TMTC1: variants seen among roughly 807,000 people sequenced by gnomAD.
TMTC1 encodes the protein protein O-mannosyl-transferase TMTC1.
Under a neutral mutation model 104.8 loss-of-function variants are expected in TMTC1, and 73 were observed. That is an observed-to-expected ratio of 0.70 (90% CI 0.58 to 0.85). TMTC1 has a LOEUF of 0.85. TMTC1 is among the 40% of genes least tolerant of loss of function. The pLI is 0.00. For missense variants in TMTC1, 1,035 were observed against 1,096.1 expected (o/e 0.94, Z 0.79); for synonymous variants, 434 against 428.7 (o/e 1.01, Z -0.15).
At position 29,715,201 on chromosome 12, in the gene TMTC1, T is replaced by C. The variant is rs1399588163; in HGVS notation, c.938+36465A>G. On this transcript the variant is annotated intron_variant, in intron 5 of 17. Transcript: ENST00000539277. Reference sequence around the variant, plus strand: ...ATTGAAGCAGAATTTAATGGAGCCATTCACTGAAAGATCATTAAAAATGAT... The same window carrying C: ...ATTGAAGCAGAATTTAATGGAGCCACTCACTGAAAGATCATTAAAAATGAT... Among the ~76,000 whole-genome samples, 12 of 152,202 alleles carry C rather than the reference T, an allele frequency of 7.9e-5. 1 individual carries two copies. Among genetic ancestry groups the C allele is most frequent in the Admixed American group, 6.5e-4 (10 of 15,274 alleles).
intron 5 of TMTC1, among the ~76,000 whole-genome samples, chr12:29,719,352 A>G (rs1328711050): frequency 6.6e-6 from 1 of 152,190 alleles, no homozygotes; most frequent in African/African-American, 2.4e-5. Flanking sequence ...CCTGGGTTGC[A>G]TTATATGATT....
intron 6 of TMTC1, among the ~76,000 whole-genome samples, chr12:29,630,798 C>T (rs192436388): frequency 1.7e-3 from 260 of 152,256 alleles, no homozygotes; most frequent in Non-Finnish European, 3.4e-3. Context: ...ATAGGTAGAG[C>T]TGTTTAATTT....
intron 5 of TMTC1, among the ~76,000 whole-genome samples, chr12:29,638,993 C>T (rs1258417080): frequency 6.6e-6 from 1 of 152,174 alleles, no homozygotes; most frequent in Non-Finnish European, 1.5e-5. Context: ...GCATCTTCTT[C>T]CCCTGCCCAT....
At chr12:29,650,562 C>A (rs934767787) in intron 5 of TMTC1, among the ~76,000 whole-genome samples, 5 of 152,194 alleles carry the variant, frequency 3.3e-5, no homozygotes, top group Non-Finnish European at 7.3e-5. Context: ...TTCATCCTTT[C>A]AGTGACCAGA....
At chr12:29,643,834 T>TATTTATAC (rs1565734232) in intron 5 of TMTC1, among the ~76,000 whole-genome samples, 13 of 73,656 alleles carry the variant, frequency 1.8e-4, no homozygotes, top group South Asian at 3.9e-4. Flanking sequence ...TATATTTATA[T>TATTTATAC]ATATTTATAT....
At chr12:29,760,196 T>C (rs891757137) in intron 2 of TMTC1, among the ~76,000 whole-genome samples, 1 of 152,146 alleles carries the variant, frequency 6.6e-6, no homozygotes, top group Non-Finnish European at 1.5e-5. Context: ...TCTCAGAACA[T>C]GTCCCCATTG....
chr12:29,641,798 G>A (rs1336150209), intron 5 of TMTC1, among the ~76,000 whole-genome samples: 1 of 152,092 alleles, frequency 6.6e-6, no homozygotes, highest in Non-Finnish European at 1.5e-5. Flanking sequence ...AACTAATCAG[G>A]GAGGGACCAG....
At chr12:29,653,607 C>T (rs1388639139) in intron 5 of TMTC1, among the ~76,000 whole-genome samples, 2 of 151,242 alleles carry the variant, frequency 1.3e-5, no homozygotes, top group African/African-American at 4.9e-5. Flanking sequence ...CAACTTCATG[C>T]CACTAAATGG....
intron 5 of TMTC1, among the ~76,000 whole-genome samples, chr12:29,636,587 AG>A (rs1413286864): frequency 3.3e-5 from 5 of 152,184 alleles, no homozygotes; most frequent in Non-Finnish European, 7.3e-5. Context: ...TGGGAGGCCG[AG>A]GCGGGCGGAT....
At chr12:29,768,125 C>T (rs1409353592) in intron 1 of TMTC1, 50 bp from the exon 2 acceptor site, 9 of 1,360,728 alleles carry the variant, frequency 6.6e-6, no homozygotes. Context: ...ACAAACTCAA[C>T]ATAAACACAA....
chr12:29,508,882 A>G (rs548279868), intron 17 of TMTC1, among the ~76,000 whole-genome samples: 9 of 152,118 alleles, frequency 5.9e-5, no homozygotes, highest in Non-Finnish European at 1.0e-4. Context: ...CCAGCCTAGA[A>G]GCCCTATTTT....
chr12:29,526,064 GC>G lies in TMTC1; in HGVS notation c.1786-5345del, dbSNP rs1944335287. 2.0e-5 allele frequency among the ~76,000 whole-genome samples: 3 copies of G among 152,060 alleles called. No homozygotes were observed. The South Asian group carries it at 6.2e-4, about 32-fold the overall frequency. On this transcript the variant is annotated intron_variant, in intron 11 of 17. Coordinates refer to ENST00000539277, the MANE Select transcript of TMTC1 (RefSeq NM_001193451.2). ...AAATTTCTCTATAAATGTTTAAATG[GC>G]CCATCAGGTAGCAGAAATGTACCTG...
At chr12:29,679,178 T>C (rs1165338944) in intron 5 of TMTC1, among the ~76,000 whole-genome samples, 3 of 151,968 alleles carry the variant, frequency 2.0e-5, no homozygotes, top group African/African-American at 7.2e-5. Flanking sequence ...TAACAAAAAA[T>C]AAAAGAATAC....
At chr12:29,589,282 G>A (rs1301227199) in intron 7 of TMTC1, among the ~76,000 whole-genome samples, 3 of 152,170 alleles carry the variant, frequency 2.0e-5, no homozygotes, top group African/African-American at 7.2e-5. Flanking sequence ...GGCACAGACT[G>A]CAGATTGTTT....
intron 5 of TMTC1, among the ~76,000 whole-genome samples, chr12:29,728,526 C>T (rs1421519733): frequency 2.6e-5 from 4 of 152,168 alleles, no homozygotes; most frequent in Non-Finnish European, 5.9e-5. Context: ...TACCCAGAAG[C>T]TTATCCTTAG....
intron 5 of TMTC1, among the ~76,000 whole-genome samples, chr12:29,745,137 C>T (rs1326951731): frequency 6.6e-6 from 1 of 152,044 alleles, no homozygotes; most frequent in African/African-American, 2.4e-5. Context: ...ATTTCTGTCA[C>T]ACCTATAGCA....
At position 29,651,902 on chromosome 12, in the gene TMTC1, CAAAA is replaced by C. The variant is rs34170602; in HGVS notation, c.939-18570_939-18567del. Among the ~76,000 whole-genome samples, 210 of 143,202 alleles carry C rather than the reference CAAAA, an allele frequency of 1.5e-3. 1 individual carries two copies. The highest frequency in any genetic ancestry group is 5.1e-3 in the African/African-American group (202 of 39,410). The allele number at this position is 143,202 out of a possible 152,430, so 93.9% of individuals were successfully genotyped here. A position where few individuals can be genotyped will look rare whatever the true frequency, so the allele number is the denominator to read the frequency against. On this transcript the variant is annotated intron_variant, in intron 5 of 17. Coordinates refer to ENST00000539277, the MANE Select transcript of TMTC1 (RefSeq NM_001193451.2). Reference sequence around the variant, plus strand: ...AAATAACTGAAGCAAAAAACTTGCCCAAAAAAAAAAAAAATTAGCCATTGAGAAT... The same window carrying C: ...AAATAACTGAAGCAAAAAACTTGCCCAAAAAAAAAATTAGCCATTGAGAAT...
intron 11 of TMTC1, among the ~76,000 whole-genome samples, chr12:29,528,109 G>T (rs573962681): frequency 6.6e-6 from 1 of 152,074 alleles, no homozygotes; most frequent in Non-Finnish European, 1.5e-5. Flanking sequence ...AGTAAATTCC[G>T]CCTTCTCTGG....
intron 5 of TMTC1, chr12:29,659,924 T>C (rs1402892166): frequency 2.0e-6 from 3 of 1,535,972 alleles, no homozygotes; most frequent in Non-Finnish European, 2.6e-6. Context: ...TATCCTGCTC[T>C]GAAAAGAGGG....
Sources: allele counts gnomAD v4.1 joint callset (sites outside exome capture counted in the v4.1 genomes callset), GRCh38; gene constraint gnomAD v4.1.1; transcripts MANE v1.5; gene names NCBI Gene and HGNC (gene_info 2026-07-23, HGNC 2026-07-21).